The following NSUN6 variants were observed in gnomAD, a reference collection of about 807,000 sequenced individuals.
NSUN6 encodes the protein NOP2/Sun RNA methyltransferase 6.
Under a neutral mutation model 58.0 loss-of-function variants are expected in NSUN6, and 64 were observed. That is an observed-to-expected ratio of 1.10 (90% confidence interval 0.90 to 1.36). The LOEUF (loss-of-function observed/expected upper bound fraction) is 1.36. Ranked by LOEUF, NSUN6 falls within the 40% of genes most tolerant of loss-of-function variation. The pLI is 0.00. For synonymous variants in NSUN6, 231 were observed against 193.9 expected (o/e 1.19, Z -1.59); for missense variants, 701 against 550.1 (o/e 1.27, Z -2.74).
intron 6 of NSUN6, among the ~76,000 whole-genome samples, chr10:18,599,606 G>C (rs1306544600): frequency 6.6e-6 from 1 of 152,086 alleles, no homozygotes; most frequent in Non-Finnish European, 1.5e-5. Flanking sequence ...GGACTACACT[G>C]ATTACCACAT....
chr10:18,645,379 A>C (rs2059517231), intron 2 of NSUN6, among the ~76,000 whole-genome samples: 1 of 152,202 alleles, frequency 6.6e-6, no homozygotes, highest in African/African-American at 2.4e-5. Flanking sequence ...TACAAGGTGA[A>C]TATGAAACAT....
At chr10:18,643,977 C>A (rs768559207) in intron 2 of NSUN6, among the ~76,000 whole-genome samples, 9 of 152,198 alleles carry the variant, frequency 5.9e-5, no homozygotes, top group Non-Finnish European at 1.2e-4. Flanking sequence ...TCACCAGCTT[C>A]TTTTAATGTT....
intron 8 of NSUN6, among the ~76,000 whole-genome samples, chr10:18,580,689 G>T (rs1589943724): frequency 6.6e-6 from 1 of 152,132 alleles, no homozygotes; most frequent in Non-Finnish European, 1.5e-5. Flanking sequence ...CAAGAGTCTG[G>T]CTCCAAGAGA....
rs186184028 is a variant in NSUN6, at chr10:18,627,759, G to A, written c.312-11466C>T. 5.0e-3 allele frequency among the ~76,000 whole-genome samples: 755 copies of A among 152,352 alleles called. 6 individuals are homozygous for A. Among genetic ancestry groups the A allele is most frequent in the African/African-American group, 0.017 (716 of 41,576 alleles). On this transcript the variant is annotated intron_variant, in intron 3 of 10. Coordinates refer to ENST00000377304, the MANE Select transcript of NSUN6 (RefSeq NM_182543.5). ...TATCCCGCGGCTCGGAGGGTCCTACGCCCACGGAGTCTCGCTGATTGCTAA... is the reference window on the plus strand; with the variant it reads ...TATCCCGCGGCTCGGAGGGTCCTACACCCACGGAGTCTCGCTGATTGCTAA...
At chr10:18,647,735 T>TG (rs200892752) in intron 2 of NSUN6, among the ~76,000 whole-genome samples, 14,457 of 136,656 alleles carry the variant, frequency 0.11, 1,075 homozygotes, top group Middle Eastern at 0.19. Flanking sequence ...GTTTTTTTTT[T>TG]TTTTTTTTTT....
intron 8 of NSUN6, among the ~76,000 whole-genome samples, chr10:18,571,233 TCATTC>T (rs1029978178): frequency 6.7e-6 from 1 of 149,226 alleles, no homozygotes; most frequent in African/African-American, 2.5e-5. Context: ...ATACCATTCT[TCATTC>T]CATTCCATTC....
chr10:18,570,555 A>C (rs1458738878), intron 8 of NSUN6, among the ~76,000 whole-genome samples: 1 of 115,048 alleles, frequency 8.7e-6, no homozygotes, highest in African/African-American at 3.2e-5. Context: ...GCTCTTTTCC[A>C]TTCTCCATTC....
intron 3 of NSUN6, among the ~76,000 whole-genome samples, chr10:18,633,102 T>C (rs1347134860): frequency 1.3e-5 from 2 of 151,914 alleles, no homozygotes; most frequent in Non-Finnish European, 2.9e-5. Context: ...TCGTGTCCTT[T>C]GTAGGGACAT....
At chr10:18,556,262 AAGAATGGAATGG>A (rs1047533671) in intron 8 of NSUN6, among the ~76,000 whole-genome samples, 3 of 150,496 alleles carry the variant, frequency 2.0e-5, no homozygotes, top group Non-Finnish European at 3.0e-5. Flanking sequence ...GAATGGAATG[AAGAATGGAATGG>A]AAAATGGAAT....
In NSUN6 at chr10:18,551,824, G is replaced by A. The variant is rs765161079; in HGVS notation, c.1070C>T (p.Ala357Val). ...YQPLQRKLFT[A>V]AVQLLKPEGV... ...TCACAAAAACAGACCACCACATACT[G>A]CAGTGAAGAGTTTTCGCTGTAATGG... Residue 357 changes from alanine to valine, a missense_variant and splice_region_variant, in exon 9 of 11, where the codon GCA becomes GTA. Ala to Val is a moderately conservative substitution (Grantham distance 64). Coordinates refer to ENST00000377304, the MANE Select transcript of NSUN6 (RefSeq NM_182543.5). 65 of 1,611,624 alleles carry A rather than the reference G, an allele frequency of 4.0e-5. No individual in the cohort carries two copies. The highest frequency in any genetic ancestry group is 5.3e-5 in the Non-Finnish European group (63 of 1,178,742).
At chr10:18,625,700 G>A (rs1441309963) in intron 3 of NSUN6, among the ~76,000 whole-genome samples, 1 of 114,462 alleles carries the variant, frequency 8.7e-6, no homozygotes, top group Admixed American at 1.1e-4. Context: ...GTGACAGAGT[G>A]AGACTATGTG....
chr10:18,616,472 T>G (rs1287969592), intron 3 of NSUN6, among the ~76,000 whole-genome samples, 179 bp from the exon 4 acceptor site: 1 of 152,128 alleles, frequency 6.6e-6, no homozygotes, highest in Non-Finnish European at 1.5e-5. Context: ...AACACGAAGA[T>G]GGGCACTTGA....
At chr10:18,604,062 G>A (rs1403540021) in intron 6 of NSUN6, among the ~76,000 whole-genome samples, 1 of 152,006 alleles carries the variant, frequency 6.6e-6, no homozygotes, top group Non-Finnish European at 1.5e-5. Flanking sequence ...GGGGCCTGCA[G>A]TCCCACCTAC....
intron 2 of NSUN6, among the ~76,000 whole-genome samples, 195 bp downstream of exon 2, chr10:18,648,295 T>C (rs2059607069): frequency 6.6e-6 from 1 of 152,138 alleles, no homozygotes; most frequent in Non-Finnish European, 1.5e-5. Flanking sequence ...AATGAATAAA[T>C]TTAGAATCAG....
At chr10:18,649,474 A>AT (rs1203483767) in intron 1 of NSUN6, among the ~76,000 whole-genome samples, 1 of 152,010 alleles carries the variant, frequency 6.6e-6, no homozygotes, top group African/African-American at 2.4e-5. Flanking sequence ...AACAATACAA[A>AT]TATTATTAGC....
At chr10:18,564,417 T>A (rs1305834321) in intron 8 of NSUN6, among the ~76,000 whole-genome samples, 2 of 150,080 alleles carry the variant, frequency 1.3e-5, no homozygotes, top group African/African-American at 2.5e-5. Flanking sequence ...TCCATTCCAT[T>A]CTCCGTTCCA....
chr10:18,561,386 G>A (rs1237155730), intron 8 of NSUN6, among the ~76,000 whole-genome samples: 1 of 81,552 alleles, frequency 1.2e-5, no homozygotes. Flanking sequence ...ATGGAATGCA[G>A]TGGTGAATGG....
chr10:18,596,215 T>G lies in NSUN6; in HGVS notation c.770A>C (p.His257Pro). The change falls in exon 7 of 11, where the codon CAT (histidine) becomes CCT (proline). Residue 257 changes from histidine (H) to proline (P), a missense_variant. By Grantham distance (77) the His-to-Pro change is moderately conservative (BLOSUM62 -2). Transcript: ENST00000377304. ...GKTTHIAALM[H>P]DQGEVIALDK... ...CTGTGAAGACAGTCTCACCTGATCA[T>G]GCATTAGTGCTGCAATGTGTGTTGT... 1 of 1,611,316 alleles carries G rather than the reference T, an allele frequency of 6.2e-7. No homozygotes were observed. The highest frequency in any genetic ancestry group is 8.5e-7 in the Non-Finnish European group (1 of 1,177,506).
At chr10:18,639,611 A>G (rs1031640902) in intron 3 of NSUN6, among the ~76,000 whole-genome samples, 4 of 152,146 alleles carry the variant, frequency 2.6e-5, no homozygotes, top group African/African-American at 9.7e-5. Flanking sequence ...TATGTGAATA[A>G]TTTTTTCAGG....
Sources: gnomAD v4.1 joint callset for allele counts (sites outside exome capture counted in the v4.1 genomes callset) on GRCh38, gnomAD v4.1.1 for gene constraint, MANE v1.5 for transcripts, NCBI Gene and HGNC (gene_info 2026-07-23, HGNC 2026-07-21) for gene names.